LUC7L2: variants seen among roughly 807,000 people sequenced by gnomAD.
The protein encoded by LUC7L2 is putative RNA-binding protein Luc7-like 2.
In LUC7L2, 25 loss-of-function variants were observed where a neutral mutation model predicts 52.8. That is an observed-to-expected ratio of 0.47 (90% CI 0.34 to 0.66). The LOEUF is 0.66. Ranked by LOEUF, LUC7L2 falls within the 30% of genes least tolerant of loss-of-function variation. LUC7L2 has a pLI of 0.01. For synonymous variants in LUC7L2, 144 were observed against 160.9 expected, an observed-to-expected ratio of 0.89 and a Z score of 0.80; for missense variants, 328 against 497.8, an observed-to-expected ratio of 0.66 and a Z score of 3.25.
At chr7:139,362,474 C>T (rs995219040) in intron 1 of LUC7L2, among the ~76,000 whole-genome samples, 1 of 152,002 alleles carries the variant, frequency 6.6e-6, no homozygotes, top group African/African-American at 2.4e-5. Context: ...AATTTGAAAC[C>T]ATTTAATGGG....
intron 8 of LUC7L2, among the ~76,000 whole-genome samples, chr7:139,415,054 G>GTTTT (rs1171809951): frequency 2.2e-4 from 12 of 54,176 alleles, no homozygotes; most frequent in South Asian, 7.7e-4. Flanking sequence ...GCCCTGCTAA[G>GTTTT]TTTTTTTTTT....
At chr7:139,403,318 A>G (rs899422970) in intron 4 of LUC7L2, among the ~76,000 whole-genome samples, 6 of 152,184 alleles carry the variant, frequency 3.9e-5, no homozygotes, top group African/African-American at 1.4e-4. Flanking sequence ...TTTATATTGC[A>G]TTTGTTGATG....
Position 139,402,152 on chromosome 7 carries a change from C to T in LUC7L2, c.271C>T (p.Gln91Ter). The T allele has an allele frequency of 6.2e-7, 1 of 1,600,454 alleles. No individual in the cohort carries two copies. Among genetic ancestry groups the T allele is most frequent in the South Asian group, 1.1e-5 (1 of 87,720 alleles). The change falls in exon 4 of 10, where the codon CAG becomes TAG. Residue 91 changes from glutamine (Q) to a stop codon, truncating the protein, a stop_gained. Coordinates refer to ENST00000354926, the MANE Select transcript of LUC7L2 (RefSeq NM_016019.5). LOFTEE classifies it high-confidence loss of function. Reference protein sequence around the residue: ...FFELDAMDHLQSFIADCDRRT... With the variant: ...FFELDAMDHL ...AACTTTGTAGGCCATGGATCATCTG[C>T]AGTCATTCATTGCAGATTGTGATCG...
upstream of LUC7L2, among the ~76,000 whole-genome samples, chr7:139,358,031 TAG>T (rs1299518289): frequency 6.6e-6 from 1 of 151,404 alleles, no homozygotes; most frequent in East Asian, 2.0e-4. Context: ...ATTTTTGAGA[TAG>T]AGTCTTGCTT....
intron 4 of LUC7L2, among the ~76,000 whole-genome samples, chr7:139,402,689 A>AT (rs986812385): frequency 6.6e-6 from 1 of 151,930 alleles, no homozygotes; most frequent in East Asian, 1.9e-4. Flanking sequence ...GGCCCAGCTA[A>AT]TTTTTTTTAT....
At position 139,423,422 on chromosome 7, in the gene LUC7L2, A is replaced by G. The variant is rs558187559; in HGVS notation, c.*1082A>G. 1.0e-5 allele frequency: 4 copies of G among 399,008 alleles called. No homozygotes were observed. The highest frequency in any genetic ancestry group is 7.1e-5 in the East Asian group (2 of 28,082). The allele number at this position is 399,008 out of a possible 1,614,324, so 24.7% of individuals were successfully genotyped here. A position where few individuals can be genotyped will look rare whatever the true frequency, so the allele number is the denominator to read the frequency against. On this transcript the variant is annotated 3_prime_UTR_variant, in exon 10 of 10. Coordinates refer to ENST00000354926, the MANE Select transcript of LUC7L2 (RefSeq NM_016019.5). ...ACTGGGGTGTTTTTATTCTCATTCA[A>G]CAAACCCAAATAAAAACAGTATATG... is the stretch of plus-strand genomic sequence containing the variant.
In LUC7L2 at chr7:139,362,070, A is replaced by G. The variant is rs567804612; in HGVS notation, c.61+1748A>G. Among the ~76,000 whole-genome samples, 9 of 152,108 alleles carry G rather than the reference A, an allele frequency of 5.9e-5. No individual in the cohort carries two copies. In the East Asian group the frequency reaches 1.7e-3, roughly 29 times the overall value. On this transcript the variant is annotated intron_variant, in intron 1 of 9. Transcript: ENST00000354926. ...TCAGCAGAAACATGGATTTCTTAAAATCCACTTTGTGTATTTTTTTATGTG... is the reference window on the plus strand; with the variant it reads ...TCAGCAGAAACATGGATTTCTTAAAGTCCACTTTGTGTATTTTTTTATGTG...
chr7:139,388,186 T>C (rs1794289954), intron 2 of LUC7L2, among the ~76,000 whole-genome samples: 1 of 152,180 alleles, frequency 6.6e-6, no homozygotes, highest in Non-Finnish European at 1.5e-5. Flanking sequence ...TCTCTCTCTT[T>C]CCAGTTAGAT....
intron 3 of LUC7L2, among the ~76,000 whole-genome samples, chr7:139,399,550 AC>A (rs1368214928): frequency 7.2e-6 from 1 of 138,662 alleles, no homozygotes; most frequent in Non-Finnish European, 1.5e-5. Context: ...GCTCACTGCA[AC>A]CTCTGCCTCC....
At chr7:139,399,016 C>T (rs983745532) in intron 3 of LUC7L2, among the ~76,000 whole-genome samples, 1 of 151,820 alleles carries the variant, frequency 6.6e-6, no homozygotes, top group Non-Finnish European at 1.5e-5. Flanking sequence ...ATATAAGGAC[C>T]TATCTTTAGT....
chr7:139,391,944 C>A (rs142162796), intron 2 of LUC7L2, among the ~76,000 whole-genome samples: 1 of 152,210 alleles, frequency 6.6e-6, no homozygotes, highest in East Asian at 1.9e-4. Context: ...TATAATTCAA[C>A]CAGTACTAGA....
rs1585125122 is a variant in LUC7L2 at position 139,407,054 on chromosome 7, G to T, written c.511-120G>T. On this transcript the variant is annotated intron_variant, in intron 5 of 9. Transcript: ENST00000354926. ...GAGTCTCGCCCCAGTGAGCCACCGT[G>T]CCCAGCCACTTTTGTGTATTTTTTA... 9 of 776,020 alleles carry T rather than the reference G, an allele frequency of 1.2e-5. No individual in the cohort carries two copies. In the South Asian group the frequency reaches 3.7e-4, roughly 32 times the overall value. The allele number at this position is 776,020 out of a possible 1,614,324, so 48.1% of individuals were successfully genotyped here.
intron 6 of LUC7L2, 89 bp from the exon 7 acceptor site, chr7:139,409,474 T>C: frequency 6.8e-7 from 1 of 1,471,422 alleles, no homozygotes; most frequent in Non-Finnish European, 9.0e-7. Flanking sequence ...AGTTGTACTG[T>C]ATTAGAAACC....
chr7:139,421,406 T>C (rs1795898055), intron 9 of LUC7L2, among the ~76,000 whole-genome samples: 1 of 152,230 alleles, frequency 6.6e-6, no homozygotes, highest in African/African-American at 2.4e-5. Context: ...TCTGATTCCA[T>C]AATATGTTTG....
chr7:139,374,012 T>G (rs1278309858), intron 1 of LUC7L2, among the ~76,000 whole-genome samples: 1 of 152,230 alleles, frequency 6.6e-6, no homozygotes, highest in Admixed American at 6.5e-5. Flanking sequence ...TCTTAAATGG[T>G]AGGAAGCAAA....
At chr7:139,389,691 AATATT>A (rs1171585202) in intron 2 of LUC7L2, among the ~76,000 whole-genome samples, 1 of 152,204 alleles carries the variant, frequency 6.6e-6, no homozygotes, top group African/African-American at 2.4e-5. Flanking sequence ...GCTGTAATAT[AATATT>A]ATATCATATT....
chr7:139,364,141 CG>C (rs1285922978), intron 1 of LUC7L2, among the ~76,000 whole-genome samples: 1 of 151,798 alleles, frequency 6.6e-6, no homozygotes, highest in Non-Finnish European at 1.5e-5. Context: ...GCTGCCACTA[CG>C]TCTGGCTAAT....
At chr7:139,420,441 G>T (rs1429233330) in intron 9 of LUC7L2, among the ~76,000 whole-genome samples, 1 of 152,204 alleles carries the variant, frequency 6.6e-6, no homozygotes, top group African/African-American at 2.4e-5. Context: ...GACCTCAGGT[G>T]ATCCACCTGC....
intron 1 of LUC7L2, chr7:139,345,109 A>G (rs1799209551): frequency 6.1e-6 from 1 of 164,854 alleles, no homozygotes; most frequent in Non-Finnish European, 1.3e-5. Flanking sequence ...TGAAAGGGAG[A>G]AAGTTCTACA....
Sources: gnomAD v4.1 joint callset for allele counts (sites outside exome capture counted in the v4.1 genomes callset) on GRCh38, gnomAD v4.1.1 for gene constraint, MANE v1.5 for transcripts, NCBI Gene and HGNC (gene_info 2026-07-23, HGNC 2026-07-21) for gene names.